Variants in CDYL2 observed in about 807,000 individuals in gnomAD.
CDYL2 encodes chromodomain Y like 2.
CDYL2 carries 23 observed loss-of-function variants against 49.4 expected under a neutral mutation model. The ratio of observed to expected loss-of-function variants is 0.47; its 90% CI spans 0.34 to 0.66. The LOEUF (loss-of-function observed/expected upper bound fraction) is 0.66. Ranked by LOEUF, CDYL2 falls within the 30% of genes least tolerant of loss-of-function variation. The pLI is 0.01. For synonymous variants in CDYL2, 360 were observed against 268.8 expected (o/e 1.34, Z -3.32); for missense variants, 678 against 656.4 (o/e 1.03, Z -0.36).
At chr16:80,686,564 A>C (rs1225545738) in intron 1 of CDYL2, among the ~76,000 whole-genome samples, 2 of 152,240 alleles carry the variant, frequency 1.3e-5, no homozygotes, top group Non-Finnish European at 2.9e-5. Flanking sequence ...CATAGTTGAT[A>C]ATTGTTGAAA....
intron 1 of CDYL2, among the ~76,000 whole-genome samples, chr16:80,767,516 C>G (rs1306562631): frequency 3.9e-5 from 6 of 152,158 alleles, no homozygotes; most frequent in Non-Finnish European, 8.8e-5. Context: ...ATGAAATGAT[C>G]TAAATAAGGG....
chr16:80,718,111 A>C (rs1159945637), intron 1 of CDYL2, among the ~76,000 whole-genome samples: 1 of 152,218 alleles, frequency 6.6e-6, no homozygotes, highest in Non-Finnish European at 1.5e-5. Context: ...ATCAGAGTCC[A>C]AAGGCCACAT....
At chr16:80,644,750 T>C (rs980139490) in intron 2 of CDYL2, among the ~76,000 whole-genome samples, 1 of 152,184 alleles carries the variant, frequency 6.6e-6, no homozygotes, top group Admixed American at 6.5e-5. Context: ...ACTACAAGTC[T>C]ATAGTAACCA....
At chr16:80,723,038 G>C (rs1158392329) in intron 1 of CDYL2, among the ~76,000 whole-genome samples, 1 of 152,238 alleles carries the variant, frequency 6.6e-6, no homozygotes, top group Non-Finnish European at 1.5e-5. Context: ...GCAGGGTGAA[G>C]CCTCTGAACT....
chr16:80,693,111 T>C (rs1427874168), intron 1 of CDYL2, among the ~76,000 whole-genome samples: 1 of 7,134 alleles, frequency 1.4e-4, no homozygotes, highest in Non-Finnish European at 2.7e-4. Flanking sequence ...GCCAGATCAG[T>C]GGGGGCTGGG....
rs763182906 is a variant in CDYL2 at position 80,684,719 on chromosome 16, T to G, written c.435A>C (p.Gln145His). The change falls in exon 2 of 7, where the codon CAA becomes CAC. Residue 145 changes from glutamine (Q) to histidine (H), a missense_variant. Transcript: ENST00000570137. ...VSYRTTPSGL[Q>H]IMPLKKSQNG... is the part of the protein sequence containing the mutation. ...TCTGAGACTTTTTCAGGGGCATTATTTGCAAACCACTGGGGGTAGTCCTGT... is the reference window on the plus strand; with the variant it reads ...TCTGAGACTTTTTCAGGGGCATTATGTGCAAACCACTGGGGGTAGTCCTGT... The G allele has an allele frequency of 1.9e-6, 3 of 1,614,150 alleles. No individual in the cohort carries two copies. In the South Asian group the frequency reaches 3.3e-5, roughly 18 times the overall value.
intron 1 of CDYL2, among the ~76,000 whole-genome samples, chr16:80,712,713 C>A (rs1319391225): frequency 1.3e-5 from 2 of 152,124 alleles, no homozygotes; most frequent in Non-Finnish European, 2.9e-5. Context: ...CAGTGTACAG[C>A]TCTGGGATGA....
At position 80,753,476 on chromosome 16, in the gene CDYL2, C is replaced by T. The variant is rs563439395; in HGVS notation, c.24+50674G>A. Among the ~76,000 whole-genome samples, 12 of 152,076 alleles carry T rather than the reference C, an allele frequency of 7.9e-5. No individual in the cohort carries two copies. In the East Asian group the frequency reaches 1.6e-3, roughly 20 times the overall value. On this transcript the variant is annotated intron_variant, in intron 1 of 6. Transcript: ENST00000570137. ...ATACAAAATTAGCCAGGCGTGGTGG[C>T]GCATGCCTGTAATCCCAGCTACTCA...
intron 1 of CDYL2, among the ~76,000 whole-genome samples, chr16:80,702,910 G>C (rs1339303636): frequency 6.6e-6 from 1 of 152,134 alleles, no homozygotes; most frequent in African/African-American, 2.4e-5. Context: ...GAAATCAACA[G>C]AGCTCACCCA....
chr16:80,604,436 G>A lies in CDYL2; in HGVS notation c.1473C>T (p.Gly491=). The A allele has an allele frequency of 1.2e-6, 2 of 1,614,162 alleles. No homozygotes were observed. Among genetic ancestry groups the A allele is most frequent in the Non-Finnish European group, 1.7e-6 (2 of 1,180,026 alleles). The change falls in exon 7 of 7, where the codon GGC becomes GGT. Residue 491 remains glycine (G), a synonymous_variant. Coordinates refer to ENST00000570137, the MANE Select transcript of CDYL2 (RefSeq NM_152342.4). ...GCAGGTAGCTGAAAAGGGAGTCAAG[G>A]CCTTTGGAGGAGCTCCAGAGCTGCT... The part of the protein sequence containing the change: ...MLKQLWSSSK[G]LDSLFSYLQD...
intron 2 of CDYL2, among the ~76,000 whole-genome samples, chr16:80,681,008 C>T (rs1909946937): frequency 6.6e-6 from 1 of 152,156 alleles, no homozygotes; most frequent in East Asian, 1.9e-4. Flanking sequence ...ACACGCCCCA[C>T]AAACACTGCT....
intron 1 of CDYL2, among the ~76,000 whole-genome samples, chr16:80,788,076 T>C (rs542561801): frequency 2.0e-5 from 3 of 151,802 alleles, no homozygotes; most frequent in Admixed American, 1.3e-4. Context: ...GCAAGCACCA[T>C]GCCAAATGAA....
At position 80,620,943 on chromosome 16, in the gene CDYL2, CAG is replaced by C. The variant is rs777788950; in HGVS notation, c.835-10_835-9del. ...CCGGACTTCTTTCATGATCTGCCGG[CAG>C]AGATGAATTTGCAGGGATGTTAAGT... On this transcript the variant is annotated splice_polypyrimidine_tract_variant and intron_variant, in intron 3 of 6. Coordinates refer to ENST00000570137, the MANE Select transcript of CDYL2 (RefSeq NM_152342.4). 167 of 1,585,998 alleles carry C rather than the reference CAG, an allele frequency of 1.1e-4. 1 individual carries two copies. The highest frequency in any genetic ancestry group is 1.3e-4 in the Non-Finnish European group (154 of 1,162,008).
At position 80,620,449 on chromosome 16, in the gene CDYL2, G is replaced by A. The variant is rs1597128102; in HGVS notation, c.1007+314C>T. The stretch of plus-strand genomic sequence containing the variant: ...AACACATGGCCACTACCAGACTCAG[G>A]CCTTGATAGCAAATAAAAAATCTTT... On this transcript the variant is annotated intron_variant, in intron 4 of 6. Transcript: ENST00000570137. 2.0e-5 allele frequency among the ~76,000 whole-genome samples: 3 copies of A among 152,288 alleles called. No individual in the cohort carries two copies. In the South Asian group the frequency reaches 6.2e-4, roughly 32 times the overall value.
intron 1 of CDYL2, among the ~76,000 whole-genome samples, chr16:80,765,964 AC>A (rs1317329014): frequency 6.6e-6 from 1 of 151,152 alleles, no homozygotes; most frequent in Non-Finnish European, 1.5e-5. Context: ...AATAGAAGAA[AC>A]CAGTCTTCTA....
intron 1 of CDYL2, among the ~76,000 whole-genome samples, chr16:80,739,349 A>C (rs372248344): frequency 6.6e-6 from 1 of 152,228 alleles, no homozygotes; most frequent in African/African-American, 2.4e-5. Flanking sequence ...CTGCACATCA[A>C]TGTAAATGTA....
intron 1 of CDYL2, among the ~76,000 whole-genome samples, chr16:80,687,437 G>C (rs574428993): frequency 1.1e-4 from 17 of 152,172 alleles, no homozygotes; most frequent in Admixed American, 1.3e-4. Flanking sequence ...TAGATGGATG[G>C]TGGGATGTAT....
Position 80,612,517 on chromosome 16 carries a change from C to T in CDYL2, c.1218+109G>A, listed in dbSNP as rs1906643729. On this transcript the variant is annotated intron_variant, in intron 5 of 6. Transcript: ENST00000570137. This position sits in a 1 kb window ranked among gnomAD's most constrained non-coding sequence, Gnocchi z 5.0. ...AAGGACATGAGGCAGCCAAGCCAAT[C>T]TGCAGGCTGACAACACCCTCAGGTT... 4.4e-6 allele frequency: 5 copies of T among 1,128,456 alleles called. No homozygotes were observed. Among genetic ancestry groups the T allele is most frequent in the Non-Finnish European group, 6.3e-6 (5 of 790,762 alleles). The allele number at this position is 1,128,456 out of a possible 1,614,324, so 69.9% of individuals were successfully genotyped here.
Position 80,598,418 on chromosome 16 carries a change from C to T in CDYL2, c.*5970G>A, listed in dbSNP as rs1362820725. ...TTCTTCAGCATCAATCATTTCTCAA[C>T]TGGTCAATGGATCAATGATTCCATC... On this transcript the variant is annotated 3_prime_UTR_variant, in exon 7 of 7. Transcript: ENST00000570137. The T allele has an allele frequency of 3.9e-5, 6 of 152,130 alleles. No individual in the cohort carries two copies. The highest frequency in any genetic ancestry group is 3.9e-4 in the Admixed American group (6 of 15,286). The allele number at this position is 152,130 out of a possible 1,614,324, so 9.4% of individuals were successfully genotyped here.
Sources: gnomAD v4.1 joint callset for allele counts (sites outside exome capture counted in the v4.1 genomes callset) on GRCh38, gnomAD v4.1.1 for gene constraint, Gnocchi (gnomAD v3.1) non-coding constraint, MANE v1.5 for transcripts, NCBI Gene and HGNC (gene_info 2026-07-23, HGNC 2026-07-21) for gene names.